SLC44A1: variants seen among roughly 807,000 people sequenced by gnomAD.
SLC44A1 encodes the protein solute carrier family 44 member 1.
In SLC44A1, 26 loss-of-function variants were observed where a neutral mutation model predicts 79.3. That is an observed-to-expected ratio of 0.33 (90% confidence interval 0.24 to 0.46). The LOEUF is 0.46. Ranked by LOEUF, SLC44A1 falls within the 20% of genes least tolerant of loss-of-function variation. The pLI, the probability that SLC44A1 is intolerant of heterozygous loss-of-function variation, is 1.00. For synonymous variants in SLC44A1, 263 were observed against 286.2 expected (o/e 0.92, Z 0.82); for missense variants, 688 against 798.1 (o/e 0.86, Z 1.66).
chr9:105,348,645 A>T (rs1225485906), intron 5 of SLC44A1, among the ~76,000 whole-genome samples, 194 bp downstream of exon 5: 1 of 152,132 alleles, frequency 6.6e-6, no homozygotes, highest in African/African-American at 2.4e-5. Flanking sequence ...ATAGGCAACC[A>T]ACTTTTCTTG....
intron 4 of SLC44A1, among the ~76,000 whole-genome samples, chr9:105,345,341 C>A (rs1331740240): frequency 6.6e-6 from 1 of 152,114 alleles, no homozygotes; most frequent in East Asian, 1.9e-4. Context: ...ATGTTGGAAC[C>A]ATTAGCCAGG....
chr9:105,327,463 A>T (rs1826616061), intron 3 of SLC44A1, among the ~76,000 whole-genome samples: 1 of 152,082 alleles, frequency 6.6e-6, no homozygotes, highest in South Asian at 2.1e-4. Context: ...CTGTATTTTT[A>T]GTAGAGACAG....
At chr9:105,373,490 G>A (rs1208504354) in intron 12 of SLC44A1, among the ~76,000 whole-genome samples, 2 of 152,208 alleles carry the variant, frequency 1.3e-5, no homozygotes, top group African/African-American at 4.8e-5. Context: ...ATAATTGAAT[G>A]AAAACGTGTC....
intron 1 of SLC44A1, among the ~76,000 whole-genome samples, chr9:105,248,024 A>G (rs933587604): frequency 4.6e-5 from 7 of 152,276 alleles, no homozygotes; most frequent in African/African-American, 1.7e-4. Context: ...CTTAATGTGT[A>G]TGTTTTAGTT....
At chr9:105,362,624 T>TA (rs778329176) in intron 8 of SLC44A1, among the ~76,000 whole-genome samples, 197 bp from the exon 9 acceptor site, 1 of 152,226 alleles carries the variant, frequency 6.6e-6, no homozygotes, top group Non-Finnish European at 1.5e-5. Context: ...TGTTTTGCTT[T>TA]AAAGGTCACT....
intron 4 of SLC44A1, among the ~76,000 whole-genome samples, chr9:105,347,569 A>G (rs1208468267): frequency 6.6e-6 from 1 of 152,056 alleles, no homozygotes; most frequent in Non-Finnish European, 1.5e-5. Flanking sequence ...ATAGAGTTAT[A>G]GTAAATTATA....
At chr9:105,269,309 T>C (rs1219491928) in intron 1 of SLC44A1, among the ~76,000 whole-genome samples, 2 of 152,194 alleles carry the variant, frequency 1.3e-5, no homozygotes, top group African/African-American at 4.8e-5. Flanking sequence ...TCCTTTCAGA[T>C]CCTCTCTTTA....
At chr9:105,352,534 A>G (rs966887519) in intron 5 of SLC44A1, among the ~76,000 whole-genome samples, 2 of 152,244 alleles carry the variant, frequency 1.3e-5, no homozygotes, top group Admixed American at 6.5e-5. Flanking sequence ...TGACTGCTTC[A>G]GCAAGTAAAA....
intron 3 of SLC44A1, among the ~76,000 whole-genome samples, chr9:105,313,540 T>C (rs960504630): frequency 1.3e-5 from 2 of 152,128 alleles, no homozygotes; most frequent in Non-Finnish European, 2.9e-5. Flanking sequence ...CAGCATACAG[T>C]TCCTTGAGGG....
chr9:105,406,160 ACT>A (rs1829027160), intron 15 of SLC44A1, among the ~76,000 whole-genome samples: 2 of 151,996 alleles, frequency 1.3e-5, no homozygotes, highest in Non-Finnish European at 2.9e-5. Context: ...TTTAAGGAAA[ACT>A]CTGTCAAATC....
Position 105,362,944 on chromosome 9 carries a change from T to G in SLC44A1, c.1024T>G (p.Phe342Val). The change falls in exon 9 of 16, where the codon TTC becomes GTC. Residue 342 changes from phenylalanine (F) to valine (V), a missense_variant. By Grantham distance (50) the Phe-to-Val change is conservative. Coordinates refer to ENST00000374720, the MANE Select transcript of SLC44A1 (RefSeq NM_080546.5). ...GCTAGTCTTCCAACCCTTCTGGACT[T>G]TCTTTGCTCTTGTCTTGTTTTGGGT... Reference protein sequence around the residue: ...PLLVFQPFWTFFALVLFWVYW... With the variant: ...PLLVFQPFWTVFALVLFWVYW... 1 of 1,613,954 alleles carries G rather than the reference T, an allele frequency of 6.2e-7. No homozygotes were observed. Among genetic ancestry groups the G allele is most frequent in the Non-Finnish European group, 8.5e-7 (1 of 1,179,942 alleles).
intron 1 of SLC44A1, among the ~76,000 whole-genome samples, chr9:105,280,826 C>T (rs1258530810): frequency 6.6e-6 from 1 of 152,158 alleles, no homozygotes; most frequent in African/African-American, 2.4e-5. Context: ...TGTATATACT[C>T]CCACTATGAC....
chr9:105,389,333 T>G lies in SLC44A1; in HGVS notation c.*277T>G, dbSNP rs983590580. 1.0e-5 allele frequency: 12 copies of G among 1,148,610 alleles called. No homozygotes were observed. The African/African-American group carries it at 1.4e-4, about 14-fold the overall frequency. The allele number at this position is 1,148,610 out of a possible 1,614,324, so 71.2% of individuals were successfully genotyped here. On this transcript the variant is annotated 3_prime_UTR_variant, in exon 16 of 16. Transcript: ENST00000374720. ...TTTAATGTTTTCAACTGTAATTGTC[T>G]TAATGGAAATGTTAAAATTCATATC... is the stretch of plus-strand genomic sequence containing the variant.
chr9:105,301,838 T>A (rs1220008524), intron 2 of SLC44A1, among the ~76,000 whole-genome samples: 1 of 152,190 alleles, frequency 6.6e-6, no homozygotes, highest in Non-Finnish European at 1.5e-5. Flanking sequence ...TTTAATCGAG[T>A]GGCCCAGCTG....
rs921302408 is a variant in SLC44A1 at position 105,282,697 on chromosome 9, C to T, written c.37-16523C>T. Among the ~76,000 whole-genome samples the T allele has an allele frequency of 7.4e-4, 113 of 152,010 alleles. 1 individual carries two copies. The highest frequency in any genetic ancestry group is 5.6e-3 in the Admixed American group (85 of 15,264). On this transcript the variant is annotated intron_variant, in intron 1 of 15. Transcript: ENST00000374720. Reference sequence around the variant, plus strand: ...CTGAGTAGCTAGGATTACAGGCGTGCGCCACCATGCCCGGCTAATTTTTGT... The same window carrying T: ...CTGAGTAGCTAGGATTACAGGCGTGTGCCACCATGCCCGGCTAATTTTTGT...
chr9:105,381,155 G>A (rs1828450571), intron 13 of SLC44A1, among the ~76,000 whole-genome samples: 1 of 152,106 alleles, frequency 6.6e-6, no homozygotes, highest in Non-Finnish European at 1.5e-5. Context: ...AGAGCATGAA[G>A]AACCTCAGCC....
chr9:105,296,453 T>C (rs930836946), intron 1 of SLC44A1, among the ~76,000 whole-genome samples: 1 of 152,212 alleles, frequency 6.6e-6, no homozygotes, highest in Non-Finnish European at 1.5e-5. Flanking sequence ...GATGAAAATT[T>C]AGGCATTAAT....
In SLC44A1 at chr9:105,319,362, G is replaced by A. The variant is rs1026178847; in HGVS notation, c.269+9496G>A. 2.0e-5 allele frequency among the ~76,000 whole-genome samples: 3 copies of A among 152,184 alleles called. No homozygotes were observed. The South Asian group carries it at 6.2e-4, about 32-fold the overall frequency. ...GAGTGCATGGGGCAGAGCTTCCATT[G>A]TTGTCTCCCTTGGGGAGAGTGGAGT... is the stretch of plus-strand genomic sequence containing the variant. On this transcript the variant is annotated intron_variant, in intron 3 of 15. Transcript: ENST00000374720.
chr9:105,364,478 T>A, intron 9 of SLC44A1, 77 bp from the exon 10 acceptor site: 2 of 1,289,014 alleles, frequency 1.6e-6, no homozygotes, highest in South Asian at 2.8e-5. Flanking sequence ...TAGGGACCTA[T>A]TGCCTTCTAC....
Sources: allele counts gnomAD v4.1 joint callset (sites outside exome capture counted in the v4.1 genomes callset), GRCh38; gene constraint gnomAD v4.1.1; transcripts MANE v1.5; gene names NCBI Gene and HGNC (gene_info 2026-07-23, HGNC 2026-07-21).